The following CPNE5 variants were observed in gnomAD, a reference collection of about 807,000 sequenced individuals.
The protein encoded by CPNE5 is copine 5, also known as copine-5.
A neutral mutation model predicts 81.1 loss-of-function variants in CPNE5; 42 were observed. The observed-to-expected ratio is 0.52, with a 90% CI of 0.40 to 0.67. CPNE5 has a LOEUF of 0.67. Ranked by LOEUF, CPNE5 falls within the 30% of genes least tolerant of loss-of-function variation. CPNE5 has a pLI of 0.00. For synonymous variants in CPNE5, 313 were observed against 321.5 expected, an observed-to-expected ratio of 0.97 and a Z score of 0.28; for missense variants, 612 against 815.5, an observed-to-expected ratio of 0.75 and a Z score of 3.04.
chr6:36,830,111 G>T (rs1772860841), intron 1 of CPNE5, among the ~76,000 whole-genome samples: 1 of 152,158 alleles, frequency 6.6e-6, no homozygotes, highest in African/African-American at 2.4e-5. Context: ...CAAGGCCACA[G>T]AGGCTGAGCG....
At chr6:36,811,767 C>T (rs768992916) in intron 3 of CPNE5, among the ~76,000 whole-genome samples, 2 of 152,092 alleles carry the variant, frequency 1.3e-5, no homozygotes, top group Admixed American at 6.6e-5. Flanking sequence ...CACATATTCA[C>T]GGTGGATCCT....
chr6:36,804,394 C>A (rs1770399206), intron 3 of CPNE5, among the ~76,000 whole-genome samples: 1 of 152,198 alleles, frequency 6.6e-6, no homozygotes, highest in Non-Finnish European at 1.5e-5. Flanking sequence ...CAAAAGAGTT[C>A]CTGCATTCTC....
chr6:36,769,041 C>T (rs1018700527), intron 10 of CPNE5, among the ~76,000 whole-genome samples: 1 of 152,206 alleles, frequency 6.6e-6, no homozygotes, highest in Non-Finnish European at 1.5e-5. Flanking sequence ...TCCCTTTATC[C>T]AAGCTCCTGT....
In CPNE5 at chr6:36,748,245, C is replaced by A. The variant is rs1764403621; in HGVS notation, c.994G>T (p.Ala332Ser). ...KGGTQINFTV[A>S]IDFTASNGNP... ...CCATTGGAGGCAGTGAAATCAATGG[C>A]CACAGTGAAGTTGATCTGGGTCCTA... The change falls in exon 15 of 21, where the codon GCC becomes TCC. Residue 332 changes from alanine (A) to serine (S), a missense_variant. Ala to Ser is a moderately conservative substitution (Grantham distance 99, BLOSUM62 1). Transcript: ENST00000244751. 1 of 1,614,038 alleles carries A rather than the reference C, an allele frequency of 6.2e-7. No individual in the cohort carries two copies. Among genetic ancestry groups the A allele is most frequent in the Non-Finnish European group, 8.5e-7 (1 of 1,180,018 alleles).
At chr6:36,803,104 C>T (rs999303781) in intron 3 of CPNE5, among the ~76,000 whole-genome samples, 2 of 152,126 alleles carry the variant, frequency 1.3e-5, no homozygotes, top group African/African-American at 4.8e-5. Context: ...ATCTGAGGAA[C>T]ACTAGATTTG....
chr6:36,822,308 C>T (rs1772125833), intron 2 of CPNE5, 148 bp from the exon 3 acceptor site: 3 of 525,022 alleles, frequency 5.7e-6, no homozygotes, highest in African/African-American at 1.9e-5. Flanking sequence ...AGGGTGTCTC[C>T]TGGGGTGGCT....
chr6:36,790,659 C>T (rs1304896253), intron 8 of CPNE5, among the ~76,000 whole-genome samples: 1 of 152,088 alleles, frequency 6.6e-6, no homozygotes, highest in African/African-American at 2.4e-5. Flanking sequence ...TGCAGAGGAG[C>T]CGAGATTCCA....
intron 8 of CPNE5, among the ~76,000 whole-genome samples, chr6:36,788,316 G>A (rs913196148): frequency 3.3e-5 from 5 of 152,066 alleles, no homozygotes; most frequent in Admixed American, 6.5e-5. Context: ...CAAAGTGCTG[G>A]GATTATAGGC....
intron 6 of CPNE5, among the ~76,000 whole-genome samples, chr6:36,796,993 C>G (rs979606615): frequency 1.3e-5 from 2 of 152,314 alleles, no homozygotes; most frequent in East Asian, 3.9e-4. Flanking sequence ...TCACTGCAAC[C>G]TCCTGGGTTC....
At chr6:36,818,983 C>T (rs759998724) in intron 3 of CPNE5, among the ~76,000 whole-genome samples, 2 of 152,214 alleles carry the variant, frequency 1.3e-5, no homozygotes, top group Non-Finnish European at 2.9e-5. Flanking sequence ...TTCACTTAAG[C>T]AGGCTAAATG....
chr6:36,779,578 GT>G lies in CPNE5; in HGVS notation c.529-622del, dbSNP rs563685174. Among the ~76,000 whole-genome samples the G allele has an allele frequency of 2.3e-3, 350 of 152,322 alleles. 1 individual carries two copies. The highest frequency in any genetic ancestry group is 8.0e-3 in the African/African-American group (331 of 41,556). ...TGAGAGGCTCACCCAATGCTCTCAG[GT>G]AGATACAGTGGGGTCTGTGGCCCAT... is the stretch of plus-strand genomic sequence containing the variant. On this transcript the variant is annotated intron_variant, in intron 8 of 20. Coordinates refer to ENST00000244751, the MANE Select transcript of CPNE5 (RefSeq NM_020939.2).
In CPNE5 at chr6:36,746,905, C is replaced by T. The variant is rs1183767009; in HGVS notation, c.1019-328G>A. On this transcript the variant is annotated intron_variant, in intron 15 of 20. Transcript: ENST00000244751. This position sits in a 1 kb window ranked among gnomAD's most constrained non-coding sequence, Gnocchi z 4.5. Reference sequence around the variant, plus strand: ...CCGCCTCAGAGAGATCATGCCTCTCCTCTGCCCAAAACGCTCAATGCCTCC... The same window carrying T: ...CCGCCTCAGAGAGATCATGCCTCTCTTCTGCCCAAAACGCTCAATGCCTCC... 6.6e-6 allele frequency among the ~76,000 whole-genome samples: 1 copy of T among 152,016 alleles called. No homozygotes were observed. The highest frequency in any genetic ancestry group is 2.4e-5 in the African/African-American group (1 of 41,346).
intron 6 of CPNE5, 37 bp from the exon 7 acceptor site, chr6:36,794,686 G>T (rs770404507): frequency 6.3e-7 from 1 of 1,597,488 alleles, no homozygotes; most frequent in Non-Finnish European, 8.6e-7. Flanking sequence ...CATGCCATGA[G>T]CTGAGTACCC....
chr6:36,763,620 A>G (rs2150415387), intron 11 of CPNE5, among the ~76,000 whole-genome samples: 1 of 140,348 alleles, frequency 7.1e-6, no homozygotes, highest in African/African-American at 2.6e-5. Context: ...AAAAAAAAAA[A>G]AGAATATTGT....
chr6:36,758,735 G>A (rs922357470), intron 12 of CPNE5, among the ~76,000 whole-genome samples: 1 of 152,136 alleles, frequency 6.6e-6, no homozygotes, highest in Non-Finnish European at 1.5e-5. Context: ...GGAGGGGTTG[G>A]GGTGACCAGG....
At chr6:36,790,514 G>C (rs1768988227) in intron 8 of CPNE5, among the ~76,000 whole-genome samples, 1 of 152,192 alleles carries the variant, frequency 6.6e-6, no homozygotes, top group Non-Finnish European at 1.5e-5. Flanking sequence ...ACGTTAAAGA[G>C]ATTTGCAAAA....
intron 7 of CPNE5, among the ~76,000 whole-genome samples, chr6:36,794,073 G>T (rs576447960): frequency 6.6e-6 from 1 of 152,290 alleles, no homozygotes; most frequent in Admixed American, 6.5e-5. Context: ...CACCGCAGCT[G>T]GCGAGCAAAC....
chr6:36,768,007 C>T (rs1243142273), intron 10 of CPNE5, among the ~76,000 whole-genome samples: 2 of 152,104 alleles, frequency 1.3e-5, no homozygotes, highest in East Asian at 3.8e-4. Context: ...GGGATTTGAA[C>T]TTGCAACCCA....
intron 20 of CPNE5, chr6:36,743,006 C>A: frequency 2.0e-6 from 2 of 985,440 alleles, no homozygotes; most frequent in Non-Finnish European, 2.4e-6. Context: ...TGCCTCCAGG[C>A]CTTAGCATGG....
Sources: gnomAD v4.1 joint callset for allele counts (sites outside exome capture counted in the v4.1 genomes callset) on GRCh38, gnomAD v4.1.1 for gene constraint, Gnocchi (gnomAD v3.1) non-coding constraint, MANE v1.5 for transcripts, NCBI Gene and HGNC (gene_info 2026-07-23, HGNC 2026-07-21) for gene names.